The following PLCB1 variants were observed in gnomAD, a reference collection of about 807,000 sequenced individuals.
The protein encoded by PLCB1 is phospholipase C beta 1, also known as 1-phosphatidylinositol 4,5-bisphosphate phosphodiesterase beta-1.
A neutral mutation model predicts 161.8 loss-of-function variants in PLCB1; 46 were observed. The observed-to-expected ratio is 0.28, with a 90% CI of 0.22 to 0.36. The LOEUF is 0.36. Ranked by LOEUF, PLCB1 falls within the 10% of genes least tolerant of loss-of-function variation. The pLI is 1.00. For missense variants in PLCB1, 1,016 were observed against 1,472.5 expected (o/e 0.69, Z 5.07); for synonymous variants, 517 against 503.7 (o/e 1.03, Z -0.35).
intron 3 of PLCB1, among the ~76,000 whole-genome samples, chr20:8,576,462 AGG>A (rs139526144): frequency 0.21 from 32,517 of 152,106 alleles, 3,581 homozygotes; most frequent in East Asian, 0.3. Flanking sequence ...TTTTAGCAAA[AGG>A]TTTGGAGATA....
chr20:8,545,330 G>A (rs942107177), intron 3 of PLCB1, among the ~76,000 whole-genome samples: 1 of 152,192 alleles, frequency 6.6e-6, no homozygotes, highest in Admixed American at 6.5e-5. Context: ...GCTAAAGAAG[G>A]TTAATTGAAG....
At chr20:8,828,351 A>G (rs777806644) in intron 31 of PLCB1, among the ~76,000 whole-genome samples, 3 of 151,676 alleles carry the variant, frequency 2.0e-5, no homozygotes, top group East Asian at 1.9e-4. Flanking sequence ...AAGTTTGACA[A>G]TATGAAACAA....
At chr20:8,723,056 T>G (rs1384704973) in intron 15 of PLCB1, among the ~76,000 whole-genome samples, 1 of 152,200 alleles carries the variant, frequency 6.6e-6, no homozygotes, top group Non-Finnish European at 1.5e-5. Flanking sequence ...ATATTGAATC[T>G]GCTTTCAAAT....
intron 3 of PLCB1, among the ~76,000 whole-genome samples, chr20:8,603,969 T>A (rs2123150064): frequency 6.6e-6 from 1 of 152,258 alleles, no homozygotes; most frequent in African/African-American, 2.4e-5. Context: ...ATGAGTACTA[T>A]TGGCCGGGTG....
intron 12 of PLCB1, among the ~76,000 whole-genome samples, chr20:8,711,600 A>G (rs937274821): frequency 3.9e-5 from 6 of 152,214 alleles, no homozygotes; most frequent in African/African-American, 1.4e-4. Context: ...ATAAAATTCT[A>G]TTGTGGAGGA....
At chr20:8,360,825 C>T (rs1447902002) in intron 2 of PLCB1, among the ~76,000 whole-genome samples, 1 of 152,152 alleles carries the variant, frequency 6.6e-6, no homozygotes. Context: ...TAACTCATTA[C>T]ATATTCACAA....
At chr20:8,449,923 G>T (rs1276015026) in intron 3 of PLCB1, among the ~76,000 whole-genome samples, 2 of 152,114 alleles carry the variant, frequency 1.3e-5, no homozygotes, top group African/African-American at 4.8e-5. Flanking sequence ...ATCATACCAT[G>T]GGGTTGATGG....
intron 2 of PLCB1, among the ~76,000 whole-genome samples, chr20:8,308,999 A>G (rs1984264318): frequency 1.3e-5 from 2 of 152,032 alleles, no homozygotes; most frequent in Non-Finnish European, 2.9e-5. Flanking sequence ...TGGACCTAGA[A>G]CTGAGTATTA....
chr20:8,826,695 TAG>T (rs1985724695), intron 31 of PLCB1, among the ~76,000 whole-genome samples: 1 of 152,204 alleles, frequency 6.6e-6, no homozygotes, highest in Admixed American at 6.5e-5. Flanking sequence ...TCTCTCACTC[TAG>T]AATTTCCTCA....
chr20:8,601,469 T>A (rs1987584772), intron 3 of PLCB1, among the ~76,000 whole-genome samples: 1 of 152,176 alleles, frequency 6.6e-6, no homozygotes, highest in Non-Finnish European at 1.5e-5. Flanking sequence ...TGAGAACGTG[T>A]GAGTTGGTTT....
intron 27 of PLCB1, among the ~76,000 whole-genome samples, chr20:8,781,764 G>A (rs1296441965): frequency 6.6e-6 from 1 of 152,138 alleles, no homozygotes; most frequent in African/African-American, 2.4e-5. Context: ...CGTCTGACGT[G>A]GATGGCGGCA....
At chr20:8,304,710 A>G (rs369068941) in intron 2 of PLCB1, among the ~76,000 whole-genome samples, 31 of 152,158 alleles carry the variant, frequency 2.0e-4, no homozygotes, top group Non-Finnish European at 2.6e-4. Flanking sequence ...TAAATAGCCA[A>G]TACATACAGA....
intron 2 of PLCB1, among the ~76,000 whole-genome samples, chr20:8,188,105 C>T (rs183012417): frequency 1.1e-3 from 162 of 152,178 alleles, no homozygotes; most frequent in Non-Finnish European, 2.0e-3. Flanking sequence ...GTTCCAGGCT[C>T]AGGATGTGTA....
chr20:8,684,745 C>T (rs1366628348), intron 9 of PLCB1, among the ~76,000 whole-genome samples, 187 bp from the exon 10 acceptor site: 1 of 151,448 alleles, frequency 6.6e-6, no homozygotes, highest in African/African-American at 2.4e-5. Flanking sequence ...TACATGTTTT[C>T]TCTATTGTCT....
chr20:8,422,648 C>G (rs1979586239), intron 3 of PLCB1, among the ~76,000 whole-genome samples: 1 of 152,124 alleles, frequency 6.6e-6, no homozygotes, highest in South Asian at 2.1e-4. Context: ...TGTGGGCTGT[C>G]AAGAATACTT....
In PLCB1 at chr20:8,329,320, C is replaced by CT. The variant is rs11477930; in HGVS notation, c.178-42045dup. On this transcript the variant is annotated intron_variant, in intron 2 of 31. Transcript: ENST00000338037. ...ATTTTGTCTTAGCCTAAAATAAATA[C>CT]TTTTTTTTTTTTTTTTTGAGATGGA... 6.3e-3 allele frequency among the ~76,000 whole-genome samples: 880 copies of CT among 139,478 alleles called. 6 individuals are homozygous for CT. The highest frequency in any genetic ancestry group is 0.017 in the African/African-American group (662 of 37,906). The allele number at this position is 139,478 out of a possible 152,430, so 91.5% of individuals were successfully genotyped here. A position where few individuals can be genotyped will look rare whatever the true frequency, so the allele number is the denominator to read the frequency against.
intron 3 of PLCB1, among the ~76,000 whole-genome samples, chr20:8,544,580 A>G (rs1238763867): frequency 1.3e-5 from 2 of 152,194 alleles, no homozygotes; most frequent in East Asian, 1.9e-4. Context: ...GTGCTTTGAA[A>G]ATGAGAAGGC....
intron 3 of PLCB1, among the ~76,000 whole-genome samples, chr20:8,601,057 T>C (rs1412073577): frequency 6.6e-6 from 1 of 152,138 alleles, no homozygotes; most frequent in Admixed American, 6.5e-5. Flanking sequence ...AAATCACCCG[T>C]CTTCTGCGTC....
intron 2 of PLCB1, among the ~76,000 whole-genome samples, chr20:8,169,430 C>T (rs932005268): frequency 6.6e-6 from 1 of 152,176 alleles, no homozygotes; most frequent in Non-Finnish European, 1.5e-5. Flanking sequence ...TGAGATAACA[C>T]ATCTGAAACA....
Sources: gnomAD v4.1 joint callset for allele counts (sites outside exome capture counted in the v4.1 genomes callset) on GRCh38, gnomAD v4.1.1 for gene constraint, MANE v1.5 for transcripts, NCBI Gene and HGNC (gene_info 2026-07-23, HGNC 2026-07-21) for gene names.